USP37: variants seen among roughly 807,000 people sequenced by gnomAD.
USP37 encodes the protein ubiquitin carboxyl-terminal hydrolase 37.
In USP37, 27 loss-of-function variants were observed where a neutral mutation model predicts 124.0. That is an observed-to-expected ratio of 0.22 (90% CI 0.16 to 0.30). USP37 has a LOEUF of 0.30. Ranked by LOEUF, USP37 falls within the 10% of genes least tolerant of loss-of-function variation. USP37 has a pLI of 1.00. For missense variants in USP37, 889 were observed against 1,140.4 expected (o/e 0.78, Z 3.17); for synonymous variants, 365 against 388.0 (o/e 0.94, Z 0.70).
chr2:218,513,311 G>A (rs1315937231), intron 10 of USP37, among the ~76,000 whole-genome samples: 5 of 152,112 alleles, frequency 3.3e-5, no homozygotes, highest in Non-Finnish European at 5.9e-5. Context: ...GATTACAGGC[G>A]TGAGCCAACC....
chr2:218,566,909 G>A, intron 1 of USP37, among the ~76,000 whole-genome samples: 1 of 152,108 alleles, frequency 6.6e-6, no homozygotes, highest in Non-Finnish European at 1.5e-5. Flanking sequence ...CTGGGACACT[G>A]GAGAAGAAAG....
At chr2:218,510,746 A>C (rs922905557) in intron 10 of USP37, among the ~76,000 whole-genome samples, 1 of 152,186 alleles carries the variant, frequency 6.6e-6, no homozygotes, top group Non-Finnish European at 1.5e-5. Context: ...TAAGCCCAGT[A>C]CTTTGGGAGG....
In USP37 at chr2:218,516,225, GACACATGC is replaced by G. The variant is rs566836159; in HGVS notation, c.864-6093_864-6086del. On this transcript the variant is annotated intron_variant, in intron 10 of 25. Transcript: ENST00000258399. The stretch of plus-strand genomic sequence containing the variant: ...GGATTATATATCATTCTACTATAAA[GACACATGC>G]ACACATAAGTTTATTGCAGCACTAT... Among the ~76,000 whole-genome samples the G allele has an allele frequency of 8.0e-3, 1,225 of 152,214 alleles. 10 individuals are homozygous for G. The highest frequency in any genetic ancestry group is 0.013 in the Non-Finnish European group (897 of 68,022).
chr2:218,545,089 T>C (rs1035560383), intron 8 of USP37, among the ~76,000 whole-genome samples: 2 of 152,194 alleles, frequency 1.3e-5, no homozygotes, highest in Admixed American at 1.3e-4. Context: ...GTTCTATGTA[T>C]GGAAGAATAG....
chr2:218,564,884 C>T (rs908496945), intron 1 of USP37, among the ~76,000 whole-genome samples: 2 of 152,112 alleles, frequency 1.3e-5, no homozygotes, highest in Non-Finnish European at 2.9e-5. Context: ...CAACACGAAT[C>T]CTGTTCTACA....
At chr2:218,499,846 A>T (rs1049973661) in intron 11 of USP37, among the ~76,000 whole-genome samples, 4 of 152,114 alleles carry the variant, frequency 2.6e-5, no homozygotes, top group African/African-American at 9.7e-5. Flanking sequence ...CAGTGGTGTG[A>T]TGACAACGTA....
chr2:218,557,845 C>T (rs371288409), intron 4 of USP37, among the ~76,000 whole-genome samples: 11 of 138,466 alleles, frequency 7.9e-5, no homozygotes, highest in Admixed American at 2.4e-4. Flanking sequence ...GCAGGAGAAT[C>T]GCTTGAACCC....
At chr2:218,479,309 A>G (rs1691127723) in intron 18 of USP37, among the ~76,000 whole-genome samples, 1 of 152,210 alleles carries the variant, frequency 6.6e-6, no homozygotes, top group African/African-American at 2.4e-5. Context: ...GCTTTAGACT[A>G]ATAGGGGTTA....
intron 1 of USP37, among the ~76,000 whole-genome samples, chr2:218,567,834 G>C (rs772271565): frequency 6.6e-6 from 1 of 152,228 alleles, no homozygotes; most frequent in Non-Finnish European, 1.5e-5. Context: ...TGAGTATCAT[G>C]TCCAAGGCCT....
chr2:218,515,513 G>A (rs1174264637), intron 10 of USP37, among the ~76,000 whole-genome samples: 1 of 152,114 alleles, frequency 6.6e-6, no homozygotes, highest in Non-Finnish European at 1.5e-5. Flanking sequence ...ACAGAAACTG[G>A]ACCCCTTCCT....
rs1689602238 is a variant in USP37, at chr2:218,454,785, C to G, written c.*145G>C. 1.4e-6 allele frequency: 2 copies of G among 1,460,040 alleles called. No individual in the cohort carries two copies. The highest frequency in any genetic ancestry group is 2.8e-5 in the African/African-American group (2 of 70,890). 90.4% of individuals were successfully genotyped at this position (1,460,040 alleles called of 1,614,324 possible). Reference sequence around the variant, plus strand: ...ATAGCATGGAGCATTCTACGTTACTCCAATTTTTGTCTTTTGGTTTGGCCC... The same window carrying G: ...ATAGCATGGAGCATTCTACGTTACTGCAATTTTTGTCTTTTGGTTTGGCCC... On this transcript the variant is annotated 3_prime_UTR_variant, in exon 26 of 26. Coordinates refer to ENST00000258399, the MANE Select transcript of USP37 (RefSeq NM_020935.3).
chr2:218,511,517 C>T (rs760763674), intron 10 of USP37, among the ~76,000 whole-genome samples: 3 of 152,178 alleles, frequency 2.0e-5, no homozygotes, highest in Admixed American at 6.5e-5. Context: ...ACCATGTTAG[C>T]CAGGCTGGTC....
chr2:218,458,541 C>A (rs1255535493), intron 23 of USP37, among the ~76,000 whole-genome samples: 2 of 151,904 alleles, frequency 1.3e-5, no homozygotes, highest in Admixed American at 6.6e-5. Flanking sequence ...TGTCACTGCA[C>A]TCCAGCCTGG....
chr2:218,500,378 G>C (rs1269450004), intron 11 of USP37, among the ~76,000 whole-genome samples: 1 of 152,134 alleles, frequency 6.6e-6, no homozygotes, highest in Non-Finnish European at 1.5e-5. Flanking sequence ...TCCTGCCTGA[G>C]CCTCCTGAGT....
chr2:218,472,071 G>A (rs947081512), intron 20 of USP37, among the ~76,000 whole-genome samples: 9 of 151,530 alleles, frequency 5.9e-5, no homozygotes, highest in Non-Finnish European at 1.2e-4. Flanking sequence ...AGCTGGGATG[G>A]CTAGATATCC....
chr2:218,565,115 G>T (rs536143507), intron 1 of USP37, among the ~76,000 whole-genome samples: 1 of 152,098 alleles, frequency 6.6e-6, no homozygotes, highest in Non-Finnish European at 1.5e-5. Context: ...TAGACATGGG[G>T]TTTTGCCATG....
At chr2:218,457,383 A>G (rs1689754328) in intron 23 of USP37, among the ~76,000 whole-genome samples, 1 of 152,218 alleles carries the variant, frequency 6.6e-6, no homozygotes, top group Non-Finnish European at 1.5e-5. Context: ...GTATCAAATT[A>G]TTTACTGTGG....
chr2:218,526,785 C>CTTTTTTTTTTTT lies in USP37; in HGVS notation c.863+3159_863+3170dup, dbSNP rs71064454. Among the ~76,000 whole-genome samples, 27 of 75,928 alleles carry CTTTTTTTTTTTT rather than the reference C, an allele frequency of 3.6e-4. 2 individuals are homozygous for CTTTTTTTTTTTT. Among genetic ancestry groups the CTTTTTTTTTTTT allele is most frequent in the South Asian group, 1.3e-3 (2 of 1,596 alleles). The allele number at this position is 75,928 out of a possible 152,430, so 49.8% of individuals were successfully genotyped here. On this transcript the variant is annotated intron_variant, in intron 10 of 25. Coordinates refer to ENST00000258399, the MANE Select transcript of USP37 (RefSeq NM_020935.3). ...AACGTAAGTTTCTTCATTTCATTTG[C>CTTTTTTTTTTTT]TTTTTTTTTTTTTTTTTTTTTGGGA...
At chr2:218,494,955 T>C (rs556022926) in intron 14 of USP37, among the ~76,000 whole-genome samples, 9 of 151,820 alleles carry the variant, frequency 5.9e-5, no homozygotes, top group Non-Finnish European at 1.3e-4. Context: ...AAAAAGCAAG[T>C]AATAAGTTGT....
Sources: gnomAD v4.1 joint callset for allele counts (sites outside exome capture counted in the v4.1 genomes callset) on GRCh38, gnomAD v4.1.1 for gene constraint, MANE v1.5 for transcripts, NCBI Gene and HGNC (gene_info 2026-07-23, HGNC 2026-07-21) for gene names.